OR10G4: variants seen among roughly 807,000 people sequenced by gnomAD.
OR10G4 encodes the protein olfactory receptor 10G4.
For synonymous variants in OR10G4, 130 were observed against 159.3 expected (o/e 0.82, Z 1.39); for missense variants, 318 against 388.8 (o/e 0.82, Z 1.53).
intron 1 of OR10G4, chr11:124,015,205 C>T (rs554029381): frequency 6.7e-6 from 2 of 300,148 alleles, no homozygotes; most frequent in East Asian, 7.8e-5. Context: ...TTGAGACTCT[C>T]AGCAGAGGGT....
chr11:124,014,276 A>G (rs562829218), intron 1 of OR10G4, among the ~76,000 whole-genome samples: 2 of 152,354 alleles, frequency 1.3e-5, no homozygotes, highest in South Asian at 4.1e-4. Context: ...GAAATAGTCC[A>G]CAAAGACATA....
At chr11:124,014,511 T>C (rs1591463538) in intron 1 of OR10G4, among the ~76,000 whole-genome samples, 1 of 152,184 alleles carries the variant, frequency 6.6e-6, no homozygotes, top group East Asian at 1.9e-4. Context: ...GGCTCACACA[T>C]GGTGTGCTGC....
Position 124,018,562 on chromosome 11 carries a change from T to A in OR10G4, c.*2052T>A, listed in dbSNP as rs80204428. 1 of 152,330 alleles carries A rather than the reference T, an allele frequency of 6.6e-6. No homozygotes were observed. Among genetic ancestry groups the A allele is most frequent in the East Asian group, 1.9e-4 (1 of 5,194 alleles). 9.4% of individuals were successfully genotyped at this position (152,330 alleles called of 1,614,324 possible). On this transcript the variant is annotated 3_prime_UTR_variant, in exon 2 of 2. Transcript: ENST00000641722. ...TTTCTTATGGCTGCATAGTATTCCA[T>A]GGTGTATATGTGCCACATTTTCTTT...
In OR10G4 at chr11:124,015,671, T is replaced by C. The variant is rs1864009685; in HGVS notation, c.97T>C (p.Tyr33His). 6.2e-7 allele frequency: 1 copy of C among 1,609,504 alleles called. No individual in the cohort carries two copies. Among genetic ancestry groups the C allele is most frequent in the African/African-American group, 1.3e-5 (1 of 74,900 alleles). The change falls in exon 2 of 2, where the codon TAC becomes CAC. Residue 33 changes from tyrosine to histidine, a missense_variant. Transcript: ENST00000641722. ...ALLFGIFLVV[Y>H]VLTVLGNLLI... ...CCTCTTTGGAATCTTCCTGGTGGTT[T>C]ACGTGCTCACTGTGCTGGGGAACCT... is the stretch of plus-strand genomic sequence containing the variant.
In OR10G4 at chr11:124,016,123, C is replaced by T. The variant is rs766510905; in HGVS notation, c.549C>T (p.Ile183=). 4.5e-5 allele frequency: 73 copies of T among 1,614,002 alleles called. No individual in the cohort carries two copies. The South Asian group carries it at 7.6e-4, about 17-fold the overall frequency. ...ACTACTTCTGTGACGCACCGCCCATCCTGAAACTGGCCTGTGCAGACACCT... is the reference window on the plus strand; with the variant it reads ...ACTACTTCTGTGACGCACCGCCCATTCTGAAACTGGCCTGTGCAGACACCT... The part of the protein sequence containing the change: ...IQHYFCDAPP[I]LKLACADTSA... The change falls in exon 2 of 2, where the codon ATC becomes ATT. Residue 183 remains isoleucine (I), a synonymous_variant. Transcript: ENST00000641722.
In OR10G4 at chr11:124,015,712, G is replaced by A. The variant is rs572702527; in HGVS notation, c.138G>A (p.Val46=). 6.2e-7 allele frequency: 1 copy of A among 1,609,172 alleles called. No homozygotes were observed. The highest frequency in any genetic ancestry group is 8.5e-7 in the Non-Finnish European group (1 of 1,176,388). The change falls in exon 2 of 2, where the codon GTG becomes GTA. Residue 46 remains valine (V), a synonymous_variant. Coordinates refer to ENST00000641722, the MANE Select transcript of OR10G4 (RefSeq NM_001004462.2). ...TVLGNLLILL[V]IRVDSHLHTP... is the part of the protein sequence containing the mutation. ...TGGGGAACCTCCTCATCCTGCTGGT[G>A]ATCAGGGTGGATTCTCACCTCCACA...
Position 124,015,985 on chromosome 11 carries a change from G to C in OR10G4, c.411G>C (p.Gly137=), listed in dbSNP as rs781708499. The change falls in exon 2 of 2, where the codon GGG becomes GGC. Residue 137 remains glycine (G), a synonymous_variant. Coordinates refer to ENST00000641722, the MANE Select transcript of OR10G4 (RefSeq NM_001004462.2). ...TCAGGTACACCAGCATGATGAGTGG[G>C]AGCAGGTGTGCCCTCCTGGCCACCG... The part of the protein sequence containing the change: ...YPLRYTSMMS[G]SRCALLATGT... The C allele has an allele frequency of 6.2e-7, 1 of 1,614,052 alleles. No individual in the cohort carries two copies. The highest frequency in any genetic ancestry group is 1.1e-5 in the South Asian group (1 of 91,074).
intron 1 of OR10G4, 174 bp from the exon 2 acceptor site, chr11:124,015,374 T>G (rs1864005745): frequency 1.5e-6 from 1 of 648,948 alleles, no homozygotes; most frequent in South Asian, 2.0e-5. Context: ...TGTGTGCATG[T>G]GTGTGAGAGA....
In OR10G4 at chr11:124,016,239, G is replaced by A; in HGVS notation, c.665G>A (p.Cys222Tyr). The A allele has an allele frequency of 1.2e-6, 2 of 1,614,214 alleles. No homozygotes were observed. The highest frequency in any genetic ancestry group is 1.7e-6 in the Non-Finnish European group (2 of 1,180,034). Residue 222 changes from cysteine to tyrosine, a missense_variant, in exon 2 of 2, where the codon TGT becomes TAT. Coordinates refer to ENST00000641722, the MANE Select transcript of OR10G4 (RefSeq NM_001004462.2). The part of the protein sequence containing the change: ...LIVLSYVSIV[C>Y]SILRIRTSDG... ...GTGCTGTCCTATGTGTCCATCGTCT[G>A]TTCCATCCTGCGGATCCGCACCTCA...
In OR10G4 at chr11:124,016,526, T is replaced by C. The variant is rs191816389; in HGVS notation, c.*16T>C. The C allele has an allele frequency of 1.1e-5, 16 of 1,519,144 alleles. No individual in the cohort carries two copies. The African/African-American group carries it at 1.7e-4, about 16-fold the overall frequency. 94.1% of individuals were successfully genotyped at this position (1,519,144 alleles called of 1,614,324 possible). ...GAGGAAATAAATACTAGGAAGTAAA[T>C]ACACTAGTTTGTTTAAAAATAGTAA... On this transcript the variant is annotated 3_prime_UTR_variant, in exon 2 of 2. Transcript: ENST00000641722.
intron 1 of OR10G4, among the ~76,000 whole-genome samples, chr11:124,014,646 G>T (rs1352450605): frequency 1.3e-5 from 2 of 152,172 alleles, no homozygotes; most frequent in East Asian, 3.9e-4. Context: ...TATCAGCGAG[G>T]TGGGTGATGT....
At chr11:124,013,488 C>A (rs1170482983) in intron 1 of OR10G4, among the ~76,000 whole-genome samples, 1 of 152,132 alleles carries the variant, frequency 6.6e-6, no homozygotes, top group Non-Finnish European at 1.5e-5. Flanking sequence ...GTTCTGATAT[C>A]CATGTCGGTG....
In OR10G4 at chr11:124,018,113, G is replaced by C. The variant is rs1864036012; in HGVS notation, c.*1603G>C. 1 of 152,128 alleles carries C rather than the reference G, an allele frequency of 6.6e-6. No individual in the cohort carries two copies. The allele number at this position is 152,128 out of a possible 1,614,324, so 9.4% of individuals were successfully genotyped here. A position where few individuals can be genotyped will look rare whatever the true frequency, so the allele number is the denominator to read the frequency against. On this transcript the variant is annotated 3_prime_UTR_variant, in exon 2 of 2. Transcript: ENST00000641722. ...TATAGTAGATAAGAGATATAAATGT[G>C]GTGGACTGTATGACACTTCTTTAGG...
chr11:124,015,295 A>G (rs1005384482), intron 1 of OR10G4: 4 of 495,058 alleles, frequency 8.1e-6, no homozygotes, highest in African/African-American at 1.9e-5. Flanking sequence ...ATTTTTTAAT[A>G]TATCAATGGA....
In OR10G4 at chr11:124,016,754, A is replaced by G; in HGVS notation, c.*244A>G. 3.1e-6 allele frequency: 1 copy of G among 318,902 alleles called. No individual in the cohort carries two copies. Among genetic ancestry groups the G allele is most frequent in the Admixed American group, 4.4e-5 (1 of 22,680 alleles). The allele number at this position is 318,902 out of a possible 1,614,324, so 19.8% of individuals were successfully genotyped here. ...TCATCAATAGGTTTATATTAAGTTT[A>G]AAACATATTTTAATCAAATCTCAGG... On this transcript the variant is annotated 3_prime_UTR_variant, in exon 2 of 2. Coordinates refer to ENST00000641722, the MANE Select transcript of OR10G4 (RefSeq NM_001004462.2).
rs1864007932 is a variant in OR10G4 at position 124,015,588 on chromosome 11, G to C, written c.14G>C (p.Ser5Thr). The C allele has an allele frequency of 6.2e-7, 1 of 1,607,362 alleles. No homozygotes were observed. The highest frequency in any genetic ancestry group is 8.5e-7 in the Non-Finnish European group (1 of 1,176,212). Residue 5 changes from serine to threonine, a missense_variant, in exon 2 of 2, where the codon AGC (serine) becomes ACC (threonine). Coordinates refer to ENST00000641722, the MANE Select transcript of OR10G4 (RefSeq NM_001004462.2). ...GGGTGAGAAGAAATGTCCAACGCCA[G>C]CCTCGTGACAGCATTCATCCTCACA... is the stretch of plus-strand genomic sequence containing the variant. MSNA[S>T]LVTAFILTGL...
In OR10G4 at chr11:124,015,990, G is replaced by T. The variant is rs1864014513; in HGVS notation, c.416G>T (p.Arg139Met). The T allele has an allele frequency of 6.2e-7, 1 of 1,613,914 alleles. No homozygotes were observed. Among genetic ancestry groups the T allele is most frequent in the Non-Finnish European group, 8.5e-7 (1 of 1,179,954 alleles). The part of the protein sequence containing the change: ...LRYTSMMSGS[R>M]CALLATGTWL... ...TACACCAGCATGATGAGTGGGAGCAGGTGTGCCCTCCTGGCCACCGGCACT... is the reference window on the plus strand; with the variant it reads ...TACACCAGCATGATGAGTGGGAGCATGTGTGCCCTCCTGGCCACCGGCACT... The change falls in exon 2 of 2, where the codon AGG becomes ATG. Residue 139 changes from arginine to methionine, a missense_variant. Coordinates refer to ENST00000641722, the MANE Select transcript of OR10G4 (RefSeq NM_001004462.2).
rs768280839 is a variant in OR10G4 at position 124,017,403 on chromosome 11, G to A, written c.*893G>A. On this transcript the variant is annotated 3_prime_UTR_variant, in exon 2 of 2. Transcript: ENST00000641722. Reference sequence around the variant, plus strand: ...GCAATGTCTGGAAATATTCTTGCTTGTCACAGGCACTGGCGTCTATTGGCT... The same window carrying A: ...GCAATGTCTGGAAATATTCTTGCTTATCACAGGCACTGGCGTCTATTGGCT... 6.6e-6 allele frequency: 1 copy of A among 152,156 alleles called. No individual in the cohort carries two copies. The highest frequency in any genetic ancestry group is 1.9e-4 in the East Asian group (1 of 5,202). 9.4% of individuals were successfully genotyped at this position (152,156 alleles called of 1,614,324 possible). A position where few individuals can be genotyped will look rare whatever the true frequency, so the allele number is the denominator to read the frequency against.
At position 124,013,041 on chromosome 11, in the gene OR10G4, TG is replaced by T. The variant is rs923089340; in HGVS notation, c.-96del. On this transcript the variant is annotated 5_prime_UTR_variant, in exon 1 of 2. Coordinates refer to ENST00000641722, the MANE Select transcript of OR10G4 (RefSeq NM_001004462.2). The stretch of plus-strand genomic sequence containing the variant: ...CTTGCAAACTAGTGCCTATACGTAG[TG>T]GGTAGAAAGTGAAAAATTGGGGGAA... 3 of 152,198 alleles carry T rather than the reference TG, an allele frequency of 2.0e-5. No homozygotes were observed. The highest frequency in any genetic ancestry group is 7.2e-5 in the African/African-American group (3 of 41,462). The allele number at this position is 152,198 out of a possible 1,614,324, so 9.4% of individuals were successfully genotyped here.
Sources: allele counts gnomAD v4.1 joint callset (sites outside exome capture counted in the v4.1 genomes callset), GRCh38; gene constraint gnomAD v4.1.1; transcripts MANE v1.5; gene names NCBI Gene and HGNC (gene_info 2026-07-23, HGNC 2026-07-21).